The following HIPK2 variants were observed in gnomAD, a reference collection of about 807,000 sequenced individuals.
HIPK2 encodes homeodomain interacting protein kinase 2.
Under a neutral mutation model 113.7 loss-of-function variants are expected in HIPK2, and 27 were observed. That is an observed-to-expected ratio of 0.24 (90% confidence interval 0.17 to 0.33). The LOEUF is 0.33. Among genes scored for constraint, HIPK2 ranks in the 10% least tolerant of loss-of-function variants. HIPK2 has a pLI of 1.00. For missense variants in HIPK2, 1,257 were observed against 1,588.0 expected (o/e 0.79, Z 3.54); for synonymous variants, 631 against 642.2 (o/e 0.98, Z 0.26).
At position 139,613,460 on chromosome 7, in the gene HIPK2, T is replaced by C; in HGVS notation, c.1991-137A>G. 9.8e-7 allele frequency: 1 copy of C among 1,025,184 alleles called. No homozygotes were observed. The highest frequency in any genetic ancestry group is 1.4e-6 in the Non-Finnish European group (1 of 720,534). The allele number at this position is 1,025,184 out of a possible 1,614,324, so 63.5% of individuals were successfully genotyped here. On this transcript the variant is annotated intron_variant, in intron 8 of 14. Coordinates refer to ENST00000406875, the MANE Select transcript of HIPK2 (RefSeq NM_022740.5). This position sits in a 1 kb window ranked among gnomAD's most constrained non-coding sequence, Gnocchi z 4.2. ...TCACTGACAACAACCAGGTATTGCC[T>C]GGTCCTTGGAAGTCTCCCCTTTGGC...
chr7:139,698,676 A>G (rs1346652636), intron 2 of HIPK2, among the ~76,000 whole-genome samples: 1 of 152,228 alleles, frequency 6.6e-6, no homozygotes, highest in Non-Finnish European at 1.5e-5. Context: ...AGCTCATGAA[A>G]GGATTGGGCG....
chr7:139,613,301 C>T lies in HIPK2; in HGVS notation c.2013G>A (p.Lys671=). Residue 671 remains lysine, a synonymous_variant, in exon 9 of 15, where the codon AAG becomes AAA. Transcript: ENST00000406875. This position sits in a 1 kb window ranked among gnomAD's most constrained non-coding sequence, Gnocchi z 4.2. ...GFQGLQASPS[K]HAGYSVRMEN... ...CCATTCGCACCGAGTAGCCAGCGTG[C>T]TTAGAGGGAGAGGCCTGCAAGCCTG... is the stretch of plus-strand genomic sequence containing the variant. 1 of 1,613,486 alleles carries T rather than the reference C, an allele frequency of 6.2e-7. No homozygotes were observed. Among genetic ancestry groups the T allele is most frequent in the South Asian group, 1.1e-5 (1 of 90,952 alleles).
At chr7:139,583,728 G>C in intron 13 of HIPK2, 89 bp downstream of exon 13, 1 of 1,540,144 alleles carries the variant, frequency 6.5e-7, no homozygotes, top group Non-Finnish European at 8.8e-7. Context: ...TATTGTACTA[G>C]CTCCCATACA....
chr7:139,767,910 TG>T (rs1796579068), intron 1 of HIPK2, among the ~76,000 whole-genome samples: 1 of 152,230 alleles, frequency 6.6e-6, no homozygotes, highest in South Asian at 2.1e-4. Context: ...CCTCCCAACA[TG>T]GGCTGTGCCC....
intron 12 of HIPK2, among the ~76,000 whole-genome samples, chr7:139,593,789 GA>G (rs2116629830): frequency 6.6e-6 from 1 of 152,338 alleles, no homozygotes; most frequent in Admixed American, 6.5e-5. Flanking sequence ...TCAGGCTCGA[GA>G]ACAAGGATGA....
chr7:139,731,586 C>T (rs149412840), intron 1 of HIPK2, among the ~76,000 whole-genome samples: 27 of 152,320 alleles, frequency 1.8e-4, no homozygotes, highest in Non-Finnish European at 3.7e-4. Flanking sequence ...CCTGTTTGCA[C>T]ACCCCTTGTA....
At chr7:139,660,800 C>T (rs1376474321) in intron 2 of HIPK2, among the ~76,000 whole-genome samples, 3 of 152,288 alleles carry the variant, frequency 2.0e-5, no homozygotes, top group African/African-American at 7.2e-5. Flanking sequence ...AAGATATCTG[C>T]GTTTTCCTGG....
Position 139,777,701 on chromosome 7 carries a change from G to A in HIPK2, c.-78C>T. 7.5e-6 allele frequency: 8 copies of A among 1,059,836 alleles called. No individual in the cohort carries two copies. Among genetic ancestry groups the A allele is most frequent in the Non-Finnish European group, 9.1e-6 (8 of 877,300 alleles). 65.7% of individuals were successfully genotyped at this position (1,059,836 alleles called of 1,614,324 possible). On this transcript the variant is annotated 5_prime_UTR_variant, in exon 1 of 15. The change creates a premature stop within an existing upstream ORF in the 5' untranslated region. Coordinates refer to ENST00000406875, the MANE Select transcript of HIPK2 (RefSeq NM_022740.5). ...GAGCTCGGCCCCCCCAGCCTCAGTC[G>A]GAATCTGCCATCTTGAGCCTGTGTC...
At chr7:139,706,431 G>A (rs1794900533) in intron 2 of HIPK2, among the ~76,000 whole-genome samples, 1 of 152,160 alleles carries the variant, frequency 6.6e-6, no homozygotes, top group Admixed American at 6.5e-5. Flanking sequence ...GTGACGAGAT[G>A]AGCTGAGCTA....
intron 2 of HIPK2, among the ~76,000 whole-genome samples, chr7:139,674,467 G>A (rs1802422943): frequency 6.6e-6 from 1 of 152,212 alleles, no homozygotes; most frequent in African/African-American, 2.4e-5. Flanking sequence ...TGCGTGCTGA[G>A]CCTGAAAGAG....
chr7:139,604,017 T>C, intron 10 of HIPK2, 64 bp downstream of exon 10: 2 of 1,606,660 alleles, frequency 1.2e-6, no homozygotes, highest in Admixed American at 3.3e-5. Flanking sequence ...CAGCCCTGTG[T>C]TGGCAGTGGA....
rs1431236658 is a variant in HIPK2, at chr7:139,562,640, G to T, written c.*10287C>A. The T allele has an allele frequency of 6.6e-6, 1 of 152,248 alleles. No homozygotes were observed. The allele number at this position is 152,248 out of a possible 1,614,324, so 9.4% of individuals were successfully genotyped here. ...GATGCGCTTGAAGCTGGGACCCAGT[G>T]AGACAGCAGCAGCACCCTACAGGGC... On this transcript the variant is annotated 3_prime_UTR_variant, in exon 15 of 15. Coordinates refer to ENST00000406875, the MANE Select transcript of HIPK2 (RefSeq NM_022740.5).
chr7:139,604,642 C>T (rs938578753), intron 9 of HIPK2, among the ~76,000 whole-genome samples: 5 of 144,924 alleles, frequency 3.5e-5, no homozygotes, highest in African/African-American at 1.3e-4. Context: ...CGAGATGGCG[C>T]CACTGCACTC....
intron 1 of HIPK2, among the ~76,000 whole-genome samples, chr7:139,742,103 A>G (rs893542727): frequency 6.6e-6 from 1 of 152,266 alleles, no homozygotes; most frequent in African/African-American, 2.4e-5. Flanking sequence ...AATGTAAATG[A>G]CAACATCTTT....
chr7:139,615,489 T>G, intron 7 of HIPK2, among the ~76,000 whole-genome samples: 1 of 152,318 alleles, frequency 6.6e-6, no homozygotes, highest in East Asian at 1.9e-4. Flanking sequence ...AGACTGAACT[T>G]GCATGAAAAA....
chr7:139,597,945 T>C (rs566270101), intron 11 of HIPK2, among the ~76,000 whole-genome samples: 2 of 152,234 alleles, frequency 1.3e-5, no homozygotes, highest in Non-Finnish European at 2.9e-5. Flanking sequence ...TATTTGCATA[T>C]ACATAATGAG....
intron 1 of HIPK2, among the ~76,000 whole-genome samples, chr7:139,773,306 T>C (rs934380487): frequency 1.3e-5 from 2 of 152,150 alleles, no homozygotes; most frequent in South Asian, 2.1e-4. Context: ...GCCTATACTG[T>C]AGGTTTTTCT....
chr7:139,613,235 C>G lies in HIPK2; in HGVS notation c.2079G>C (p.Gln693His). 1 of 1,613,792 alleles carries G rather than the reference C, an allele frequency of 6.2e-7. No homozygotes were observed. The highest frequency in any genetic ancestry group is 8.5e-7 in the Non-Finnish European group (1 of 1,179,826). ...VPIVTQAPGAQPLQIQPGLLA... is the reference protein window; with the variant it reads ...VPIVTQAPGAHPLQIQPGLLA... Reference sequence around the variant, plus strand: ...GCAGACCTGGTTGGATCTGAAGAGGCTGAGCTCCTGGGGCTTGAGTGACGA... The same window carrying G: ...GCAGACCTGGTTGGATCTGAAGAGGGTGAGCTCCTGGGGCTTGAGTGACGA... The change falls in exon 9 of 15, where the codon CAG becomes CAC. Residue 693 changes from glutamine (Q) to histidine (H), a missense_variant. This residue lies in a region of HIPK2 where 862 missense variants were observed against 1,004.3 expected (regional missense o/e 0.86). Transcript: ENST00000406875. The surrounding 1 kb of genome is among the most constrained non-coding windows in gnomAD (Gnocchi z 4.2).
intron 1 of HIPK2, among the ~76,000 whole-genome samples, chr7:139,750,285 C>T (rs544893350): frequency 2.0e-5 from 3 of 152,318 alleles, no homozygotes; most frequent in African/African-American, 7.2e-5. Context: ...TAGAACTCTC[C>T]TCTGTGAGCA....
Sources: gnomAD v4.1 joint callset for allele counts (sites outside exome capture counted in the v4.1 genomes callset) on GRCh38, gnomAD v4.1.1 for gene constraint, gnomAD v4.1.1 regional missense constraint, Gnocchi (gnomAD v3.1) non-coding constraint, MANE v1.5 for transcripts, NCBI Gene and HGNC (gene_info 2026-07-23, HGNC 2026-07-21) for gene names.